Variants in TULP4 observed in about 807,000 individuals in gnomAD.
TULP4 encodes TUB like protein 4, also known as tubby-related protein 4.
TULP4 carries 16 observed loss-of-function variants against 129.0 expected under a neutral mutation model. The ratio of observed to expected loss-of-function variants is 0.12; its 90% CI spans 0.08 to 0.19. TULP4 has a LOEUF of 0.19. Among genes scored for constraint, TULP4 ranks in the 10% least tolerant of loss-of-function variants. The pLI is 1.00. For synonymous variants in TULP4, 998 were observed against 854.0 expected, an observed-to-expected ratio of 1.17 and a Z score of -2.94; for missense variants, 1,842 against 2,059.1, an observed-to-expected ratio of 0.89 and a Z score of 2.04.
At chr6:158,444,055 TAA>T (rs369814360) in intron 3 of TULP4, among the ~76,000 whole-genome samples, 1 of 151,210 alleles carries the variant, frequency 6.6e-6, no homozygotes, top group South Asian at 2.1e-4. Context: ...CCGTCTCTAC[TAA>T]AAAATACAAA....
chr6:158,470,045 C>T (rs971724568), intron 6 of TULP4, among the ~76,000 whole-genome samples: 13 of 152,074 alleles, frequency 8.5e-5, no homozygotes, highest in African/African-American at 3.1e-4. Flanking sequence ...TATTAGAAGT[C>T]GTGGGTCACG....
At chr6:158,299,756 G>A (rs1054565694) in intron 1 of TULP4, among the ~76,000 whole-genome samples, 1 of 152,188 alleles carries the variant, frequency 6.6e-6, no homozygotes, top group Non-Finnish European at 1.5e-5. Context: ...ATCCAGGTGA[G>A]AGATTGAATA....
rs115963668 is a variant in TULP4 at position 158,369,032 on chromosome 6, G to T, written c.253-44033G>T. Among the ~76,000 whole-genome samples, 1,497 of 152,230 alleles carry T rather than the reference G, an allele frequency of 9.8e-3. 29 individuals carry two copies. The highest frequency in any genetic ancestry group is 0.033 in the African/African-American group (1,352 of 41,536). On this transcript the variant is annotated intron_variant, in intron 1 of 13. Transcript: ENST00000367097. Reference sequence around the variant, plus strand: ...ACAGAAATGTGCCAAATTTCAAGAAGTGTCTCTATTTATATCTTATTAGAA... The same window carrying T: ...ACAGAAATGTGCCAAATTTCAAGAATTGTCTCTATTTATATCTTATTAGAA...
chr6:158,348,204 T>G (rs1780363519), intron 1 of TULP4, among the ~76,000 whole-genome samples: 1 of 140,714 alleles, frequency 7.1e-6, no homozygotes, highest in Non-Finnish European at 1.5e-5. Flanking sequence ...TTATTGATCA[T>G]TCTTGGGTGT....
chr6:158,497,837 C>T (rs558633200), intron 11 of TULP4, among the ~76,000 whole-genome samples: 4 of 152,276 alleles, frequency 2.6e-5, no homozygotes, highest in African/African-American at 7.2e-5. Context: ...GCAGGTCAGC[C>T]GCTAAGTGTT....
intron 1 of TULP4, among the ~76,000 whole-genome samples, chr6:158,295,283 A>G (rs1372374532): frequency 6.6e-6 from 1 of 152,146 alleles, no homozygotes; most frequent in African/African-American, 2.4e-5. Flanking sequence ...TTAGCTTGAG[A>G]ACTAAAATAG....
chr6:158,485,912 A>G (rs4708792), intron 8 of TULP4, among the ~76,000 whole-genome samples: 135,671 of 152,262 alleles, frequency 0.89, 60,543 homozygotes, highest in East Asian at 0.96. Context: ...TAACTTCTCT[A>G]GTTTCACAGG....
intron 1 of TULP4, among the ~76,000 whole-genome samples, chr6:158,406,506 A>G (rs896088892): frequency 6.6e-6 from 1 of 152,220 alleles, no homozygotes; most frequent in Non-Finnish European, 1.5e-5. Context: ...TGCAGCTATG[A>G]TGAGTGGAAA....
intron 2 of TULP4, among the ~76,000 whole-genome samples, chr6:158,424,505 C>T (rs1778429861): frequency 6.6e-6 from 1 of 152,134 alleles, no homozygotes; most frequent in South Asian, 2.1e-4. Flanking sequence ...CTGCCTTGGC[C>T]TCCCAAAGTG....
Position 158,312,678 on chromosome 6 carries a change from TCC to T in TULP4, c.-1333_-1332del, listed in dbSNP as rs368491672. The stretch of plus-strand genomic sequence containing the variant: ...TATTTGAGAAATTTTAATTTATTAT[TCC>T]CCCCCTTTTTTCCTGCATCTATAGG... On this transcript the variant is annotated 5_prime_UTR_variant, in exon 1 of 14. Coordinates refer to ENST00000367097, the MANE Select transcript of TULP4 (RefSeq NM_020245.5). 4 of 151,816 alleles carry T rather than the reference TCC, an allele frequency of 2.6e-5. No homozygotes were observed. The highest frequency in any genetic ancestry group is 6.6e-5 in the Admixed American group (1 of 15,230). 9.4% of individuals were successfully genotyped at this position (151,816 alleles called of 1,614,324 possible).
At chr6:158,377,423 A>G (rs1777217254) in intron 1 of TULP4, among the ~76,000 whole-genome samples, 1 of 152,282 alleles carries the variant, frequency 6.6e-6, no homozygotes, top group Non-Finnish European at 1.5e-5. Flanking sequence ...TAATGAGGAA[A>G]CAGATATTTA....
intron 5 of TULP4, among the ~76,000 whole-genome samples, chr6:158,454,560 A>AT (rs1182533201): frequency 6.7e-6 from 1 of 148,416 alleles, no homozygotes; most frequent in Non-Finnish European, 1.5e-5. Context: ...TGGAAACTTT[A>AT]TTTTTTATGC....
chr6:158,325,478 G>C (rs376805826), intron 1 of TULP4, among the ~76,000 whole-genome samples: 4 of 150,074 alleles, frequency 2.7e-5, no homozygotes, highest in Non-Finnish European at 5.9e-5. Context: ...TTAGCCTCCC[G>C]AGTAGCTGGG....
intron 1 of TULP4, among the ~76,000 whole-genome samples, chr6:158,380,835 A>G (rs965025043): frequency 6.9e-6 from 1 of 144,910 alleles, no homozygotes. Flanking sequence ...CAGAGGTTGC[A>G]GTGAGCCGAG....
At chr6:158,478,660 G>A (rs867566191) in intron 6 of TULP4, among the ~76,000 whole-genome samples, 54 of 152,112 alleles carry the variant, frequency 3.6e-4, no homozygotes, top group African/African-American at 1.3e-3. Context: ...CAACTGCCTG[G>A]CCTCCTGTGG....
In TULP4 at chr6:158,502,280, T is replaced by G. The variant is rs1780468938; in HGVS notation, c.2617T>G (p.Tyr873Asp). The G allele has an allele frequency of 1.3e-6, 2 of 1,533,598 alleles. No homozygotes were observed. The highest frequency in any genetic ancestry group is 1.8e-6 in the Non-Finnish European group (2 of 1,131,586). The allele number at this position is 1,533,598 out of a possible 1,614,324, so 95.0% of individuals were successfully genotyped here. Residue 873 changes from tyrosine to aspartate, a missense_variant, in exon 13 of 14, where the codon TAC becomes GAC. Tyr to Asp is a radical substitution (Grantham distance 160). Coordinates refer to ENST00000367097, the MANE Select transcript of TULP4 (RefSeq NM_020245.5). The stretch of plus-strand genomic sequence containing the variant: ...CTTGAAGAAGGGCGACTTCTCCCTC[T>G]ACCCCACGTCAGTGCACTACCAGAC... The part of the protein sequence containing the change: ...VCLKKGDFSL[Y>D]PTSVHYQTPL...
At chr6:158,364,928 G>C (rs1780891956) in intron 1 of TULP4, among the ~76,000 whole-genome samples, 1 of 151,836 alleles carries the variant, frequency 6.6e-6, no homozygotes, top group Admixed American at 6.6e-5. Flanking sequence ...GTAGAGATGG[G>C]GTTTCACCAT....
intron 1 of TULP4, among the ~76,000 whole-genome samples, chr6:158,365,553 T>C (rs1474134117): frequency 3.3e-5 from 5 of 151,332 alleles, no homozygotes; most frequent in Admixed American, 3.3e-4. Context: ...CTCAGCTCAC[T>C]GCAAGCTCCG....
intron 1 of TULP4, among the ~76,000 whole-genome samples, chr6:158,306,112 C>T (rs552174519): frequency 1.3e-5 from 2 of 152,256 alleles, no homozygotes; most frequent in Non-Finnish European, 2.9e-5. Context: ...TTAAAAAAAA[C>T]TGCCATATTT....
Sources: allele counts gnomAD v4.1 joint callset (sites outside exome capture counted in the v4.1 genomes callset), GRCh38; gene constraint gnomAD v4.1.1; transcripts MANE v1.5; gene names NCBI Gene and HGNC (gene_info 2026-07-23, HGNC 2026-07-21).